The following DAPK2 variants were observed in gnomAD, a reference collection of about 807,000 sequenced individuals.
The protein encoded by DAPK2 is death-associated protein kinase 2.
Under a neutral mutation model 44.1 loss-of-function variants are expected in DAPK2, and 35 were observed. The ratio of observed to expected loss-of-function variants is 0.79; its 90% CI spans 0.61 to 1.05. The LOEUF (loss-of-function observed/expected upper bound fraction) is 1.05, where lower values mean the gene tolerates loss of function less well. DAPK2 is among the 50% of genes least tolerant of loss of function. DAPK2 has a pLI of 0.00. For missense variants in DAPK2, 453 were observed against 483.2 expected (o/e 0.94, Z 0.59); for synonymous variants, 174 against 182.6 (o/e 0.95, Z 0.38).
chr15:63,997,622 T>C (rs977631776), intron 1 of DAPK2, among the ~76,000 whole-genome samples: 3 of 152,216 alleles, frequency 2.0e-5, no homozygotes, highest in African/African-American at 7.2e-5. Context: ...TGAGCCACCA[T>C]GCCCGGCCTT....
intron 1 of DAPK2, among the ~76,000 whole-genome samples, chr15:64,024,021 G>T (rs1037247685): frequency 6.6e-6 from 1 of 152,180 alleles, no homozygotes; most frequent in East Asian, 1.9e-4. Context: ...TACCTTGCGC[G>T]GTTAAGTAAA....
intron 1 of DAPK2, among the ~76,000 whole-genome samples, chr15:63,999,559 C>G (rs2079031026): frequency 6.6e-6 from 1 of 152,162 alleles, no homozygotes; most frequent in Non-Finnish European, 1.5e-5. Context: ...CTTGCTCCAT[C>G]AGTAGGGGTC....
intron 3 of DAPK2, among the ~76,000 whole-genome samples, chr15:63,950,924 G>C (rs965874100): frequency 2.0e-5 from 3 of 152,162 alleles, no homozygotes; most frequent in Non-Finnish European, 2.9e-5. Context: ...TGACAGCTTG[G>C]CCAGCAGACT....
intron 1 of DAPK2, among the ~76,000 whole-genome samples, chr15:63,986,357 G>A (rs545664916): frequency 3.5e-4 from 53 of 152,354 alleles, no homozygotes; most frequent in African/African-American, 1.3e-3. Context: ...TGAAGGCTGA[G>A]CAAGAGACAT....
At chr15:63,947,125 T>A (rs188872670) in intron 3 of DAPK2, among the ~76,000 whole-genome samples, 4 of 152,072 alleles carry the variant, frequency 2.6e-5, no homozygotes, top group African/African-American at 7.2e-5. Flanking sequence ...CATCACCCCA[T>A]CCCACCCTGC....
In DAPK2 at chr15:63,951,770, G is replaced by A. The variant is rs76960100; in HGVS notation, c.454-12409C>T. 4.7e-3 allele frequency among the ~76,000 whole-genome samples: 715 copies of A among 152,302 alleles called. 5 individuals are homozygous for A. The highest frequency in any genetic ancestry group is 0.016 in the African/African-American group (663 of 41,558). On this transcript the variant is annotated intron_variant, in intron 3 of 10. Coordinates refer to ENST00000261891, the Ensembl canonical transcript of DAPK2. ...TTGAAATCCACCTGCAATCTCTTCT[G>A]TATTTTCCAGGTAAGACATGAAAGG...
chr15:64,028,794 A>C (rs529011719), intron 1 of DAPK2, among the ~76,000 whole-genome samples: 14 of 152,284 alleles, frequency 9.2e-5, no homozygotes, highest in African/African-American at 3.1e-4. Context: ...GATAACCCAC[A>C]GACGGAAAGA....
chr15:64,033,679 C>T (rs755250954), intron 1 of DAPK2, among the ~76,000 whole-genome samples: 3 of 151,902 alleles, frequency 2.0e-5, no homozygotes, highest in Non-Finnish European at 2.9e-5. Flanking sequence ...GAGGCCGAGG[C>T]GGGTGGATCA....
chr15:64,040,728 T>A (rs1310333486), upstream of DAPK2, among the ~76,000 whole-genome samples: 1 of 151,850 alleles, frequency 6.6e-6, no homozygotes, highest in African/African-American at 2.4e-5. Flanking sequence ...CTGGCCAACA[T>A]GGTGAAACTC....
At chr15:63,934,600 C>T (rs897759891) in intron 4 of DAPK2, among the ~76,000 whole-genome samples, 4 of 152,108 alleles carry the variant, frequency 2.6e-5, no homozygotes, top group Non-Finnish European at 5.9e-5. Context: ...CACTGTTGCC[C>T]AGGCTGGAGT....
At chr15:63,957,419 C>T (rs2077757172) in intron 3 of DAPK2, among the ~76,000 whole-genome samples, 1 of 152,002 alleles carries the variant, frequency 6.6e-6, no homozygotes, top group Admixed American at 6.6e-5. Context: ...AGGTTTGTTA[C>T]ATATGTATAC....
intron 3 of DAPK2, among the ~76,000 whole-genome samples, chr15:63,957,664 T>G (rs1416426033): frequency 6.6e-6 from 1 of 152,058 alleles, no homozygotes; most frequent in Non-Finnish European, 1.5e-5. Flanking sequence ...GCTTCATCCA[T>G]GTCCCTACAA....
chr15:64,038,438 C>T (rs944847425), intron 1 of DAPK2, among the ~76,000 whole-genome samples: 3 of 152,202 alleles, frequency 2.0e-5, no homozygotes, highest in African/African-American at 7.2e-5. Context: ...AGAGAACCGG[C>T]TTCCCATTCA....
intron 3 of DAPK2, among the ~76,000 whole-genome samples, chr15:63,959,509 ATTATT>A: frequency 6.6e-6 from 1 of 152,282 alleles, no homozygotes; most frequent in Middle Eastern, 3.4e-3. Flanking sequence ...AATAGCTCTT[ATTATT>A]TTGAGACACG....
intron 8 of DAPK2, among the ~76,000 whole-genome samples, chr15:63,913,575 G>C (rs184793605): frequency 1.3e-3 from 191 of 152,286 alleles, no homozygotes; most frequent in Non-Finnish European, 1.2e-3. Context: ...CTAAGCGAGG[G>C]AGCCTATTGA....
At chr15:63,950,550 A>G (rs1027503956) in intron 3 of DAPK2, among the ~76,000 whole-genome samples, 3 of 152,206 alleles carry the variant, frequency 2.0e-5, no homozygotes, top group Non-Finnish European at 4.4e-5. Flanking sequence ...AAAGAAAAAA[A>G]CAACTATTAG....
chr15:63,969,742 A>C (rs891324277), intron 3 of DAPK2, among the ~76,000 whole-genome samples: 1 of 34,488 alleles, frequency 2.9e-5, no homozygotes, highest in East Asian at 0.25. Flanking sequence ...TATCTCTATT[A>C]AAAAAAAAAA....
Position 64,002,847 on chromosome 15 carries a change from G to T in DAPK2, c.93-19093C>A, listed in dbSNP as rs55714519. On this transcript the variant is annotated intron_variant, in intron 1 of 10. Transcript: ENST00000261891. ...TAGAGTCTTGGGTCTTTTAAACAAA[G>T]AATCGCCTAATTAATGAAACCAGCA... 6.6e-3 allele frequency among the ~76,000 whole-genome samples: 1,004 copies of T among 151,770 alleles called. 16 individuals carry two copies. The highest frequency in any genetic ancestry group is 0.023 in the African/African-American group (956 of 41,372).
At chr15:63,986,551 GAGT>G (rs1332281383) in intron 1 of DAPK2, among the ~76,000 whole-genome samples, 1 of 152,064 alleles carries the variant, frequency 6.6e-6, no homozygotes, top group Admixed American at 6.5e-5. Context: ...TCAGCCTCCC[GAGT>G]AGCTGGGACC....
Sources: allele counts gnomAD v4.1 joint callset (sites outside exome capture counted in the v4.1 genomes callset), GRCh38; gene constraint gnomAD v4.1.1; transcripts MANE v1.5; gene names NCBI Gene and HGNC (gene_info 2026-07-23, HGNC 2026-07-21).